MAMDC4: variants seen among roughly 807,000 people sequenced by gnomAD.
MAMDC4 encodes MAM domain containing 4, also known as apical endosomal glycoprotein.
In MAMDC4, 168 loss-of-function variants were observed where a neutral mutation model predicts 153.3. That is an observed-to-expected ratio of 1.10 (90% CI 0.97 to 1.25). MAMDC4 has a LOEUF of 1.25. Among genes scored for constraint, MAMDC4 ranks in the 50% most tolerant of loss-of-function variants. MAMDC4 has a pLI of 0.00. For missense variants in MAMDC4, 1,701 were observed against 1,542.8 expected, an observed-to-expected ratio of 1.10 and a Z score of -1.72; for synonymous variants, 744 against 651.5, an observed-to-expected ratio of 1.14 and a Z score of -2.16.
At chr9:136,858,363 C>CCA (rs771037125) in intron 21 of MAMDC4, 37 bp from the exon 22 acceptor site, 15 of 1,600,130 alleles carry the variant, frequency 9.4e-6, no homozygotes, top group African/African-American at 1.3e-5. Flanking sequence ...GGGCTTGGGC[C>CCA]GTGGGGCAGC....
rs1393130434 is a variant in MAMDC4 at position 136,858,020 on chromosome 9, G to A, written c.2506G>A (p.Val836Met). ...CCTGGAGGAGCGCGGGAGGCACCAG[G>A]TGCTCAGCCTCAGTGCCCACGGCGG... ...VYLEERGRHQVLSLSAHGGLA... is the reference protein window; with the variant it reads ...VYLEERGRHQMLSLSAHGGLA... The change falls in exon 20 of 27, where the codon GTG becomes ATG. Residue 836 changes from valine (V) to methionine (M), a missense_variant. Val to Met is a conservative substitution (Grantham distance 21). Coordinates refer to ENST00000317446, the MANE Select transcript of MAMDC4 (RefSeq NM_206920.3). 6.6e-7 allele frequency: 1 copy of A among 1,526,462 alleles called. No homozygotes were observed. Among genetic ancestry groups the A allele is most frequent in the South Asian group, 1.2e-5 (1 of 83,514 alleles). 94.6% of individuals were successfully genotyped at this position (1,526,462 alleles called of 1,614,324 possible). A position where few individuals can be genotyped will look rare whatever the true frequency, so the allele number is the denominator to read the frequency against.
chr9:136,857,481 T>TGC lies in MAMDC4; in HGVS notation c.2223_2224dup (p.Gly742AlafsTer56), dbSNP rs777125641. On this transcript the variant is annotated frameshift_variant, in exon 18 of 27. Coordinates refer to ENST00000317446, the MANE Select transcript of MAMDC4 (RefSeq NM_206920.3). LOFTEE classifies it high-confidence loss of function. ...TTACTGCTCCTTTGAGGACTCAGAC[T>TGC]GCGGCTTCTCCCCTGGAGGCCAAGG... 91 of 1,609,476 alleles carry TGC rather than the reference T, an allele frequency of 5.7e-5. No homozygotes were observed. Among genetic ancestry groups the TGC allele is most frequent in the Non-Finnish European group, 5.6e-5 (66 of 1,179,924 alleles).
At chr9:136,860,143 A>C in intron 26 of MAMDC4, 79 bp downstream of exon 26, 1 of 1,441,120 alleles carries the variant, frequency 6.9e-7, no homozygotes. Context: ...GGCGGGACAC[A>C]ACCCCCCGGG....
intron 7 of MAMDC4, 34 bp downstream of exon 7, chr9:136,854,370 G>A (rs1422915481): frequency 6.6e-7 from 1 of 1,512,876 alleles, no homozygotes. Context: ...AGTGAGGCTG[G>A]GAGACTGGAC....
rs930632214 is a variant in MAMDC4 at position 136,856,838 on chromosome 9, G to A, written c.1837+12G>A. 3.8e-5 allele frequency: 62 copies of A among 1,612,292 alleles called. No individual in the cohort carries two copies. The highest frequency in any genetic ancestry group is 5.3e-5 in the African/African-American group (4 of 74,930). On this transcript the variant is annotated intron_variant, in intron 15 of 26. Transcript: ENST00000317446. ...CACCACAGGCCAAGGTAGGATGGGCGCTCAGACCGGGGGTGGCTTTCAGAC... is the reference window on the plus strand; with the variant it reads ...CACCACAGGCCAAGGTAGGATGGGCACTCAGACCGGGGGTGGCTTTCAGAC...
At position 136,857,560 on chromosome 9, in the gene MAMDC4, C is replaced by T. The variant is rs1433080719; in HGVS notation, c.2300C>T (p.Thr767Ile). The change falls in exon 18 of 27, where the codon ACA becomes ATA. Residue 767 changes from threonine to isoleucine, a missense_variant. By Grantham distance (89) the Thr-to-Ile change is moderately conservative. Transcript: ENST00000317446. ...GGCCATGCTGCCTGGGGCCCCCCAACAGACCATACCACTGAGACAGCCCAA... is the reference window on the plus strand; with the variant it reads ...GGCCATGCTGCCTGGGGCCCCCCAATAGACCATACCACTGAGACAGCCCAA... ...ASGHAAWGPP[T>I]DHTTETAQGH... 15 of 1,612,316 alleles carry T rather than the reference C, an allele frequency of 9.3e-6. No individual in the cohort carries two copies. The highest frequency in any genetic ancestry group is 1.7e-5 in the Admixed American group (1 of 60,030).
chr9:136,854,849 C>T lies in MAMDC4; in HGVS notation c.1022C>T (p.Ser341Leu), dbSNP rs763951533. The change falls in exon 9 of 27, where the codon TCG becomes TTG. Residue 341 changes from serine to leucine, a missense_variant and splice_region_variant. Physicochemically the swap from Ser to Leu is moderately radical, Grantham distance 145. Transcript: ENST00000317446. The part of the protein sequence containing the change: ...EFQASGTSNC[S>L]LVFYQYLSGS... Reference sequence around the variant, plus strand: ...CAAGCCTCAGGCACCTCCAACTGCTCGGTGAGATGGGTGGGGCTCACAGGG... The same window carrying T: ...CAAGCCTCAGGCACCTCCAACTGCTTGGTGAGATGGGTGGGGCTCACAGGG... The T allele has an allele frequency of 3.1e-6, 5 of 1,612,760 alleles. No individual in the cohort carries two copies. Among genetic ancestry groups the T allele is most frequent in the Middle Eastern group, 1.6e-4 (1 of 6,062 alleles).
In MAMDC4 at chr9:136,855,038, G is replaced by A. The variant is rs771811709; in HGVS notation, c.1125G>A (p.Arg375=). ...PGAPRAPVLL[R]RRRGELGTAW... ...CCCCCCGGGCCCCCGTCCTGCTGCG[G>A]AGGCGCCGAGGGGAGCTGGGGACCG... The change falls in exon 10 of 27, where the codon CGG becomes CGA. Residue 375 remains arginine, a synonymous_variant. Coordinates refer to ENST00000317446, the MANE Select transcript of MAMDC4 (RefSeq NM_206920.3). 6.2e-7 allele frequency: 1 copy of A among 1,607,438 alleles called. No individual in the cohort carries two copies.
rs1192226875 is a variant in MAMDC4 at position 136,856,900 on chromosome 9, C to A, written c.1838-7C>A. 1 of 1,609,444 alleles carries A rather than the reference C, an allele frequency of 6.2e-7. No homozygotes were observed. The highest frequency in any genetic ancestry group is 1.7e-5 in the Admixed American group (1 of 59,916). ...ATCTCTGCAGCACAGCCCCATGCCC[C>A]CTGCAGGCCACTTTGTGCTCCTGGA... On this transcript the variant is annotated splice_region_variant and splice_polypyrimidine_tract_variant and intron_variant, in intron 15 of 26. Coordinates refer to ENST00000317446, the MANE Select transcript of MAMDC4 (RefSeq NM_206920.3).
At position 136,858,191 on chromosome 9, in the gene MAMDC4, G is replaced by GTT. The variant is rs749056384; in HGVS notation, c.2591_2592dup (p.Glu865LeufsTer127). On this transcript the variant is annotated frameshift_variant, in exon 21 of 27. Transcript: ENST00000317446. LOFTEE classifies it high-confidence loss of function. Reference sequence around the variant, plus strand: ...CCCTGCCCTGCACCCGCCAGGTGGTGTTTGAGGCAGTGGCCGCAGGCGTGG... The same window carrying GTT: ...CCCTGCCCTGCACCCGCCAGGTGGTGTTTTTGAGGCAGTGGCCGCAGGCGTGG... 2.8e-5 allele frequency: 44 copies of GTT among 1,590,716 alleles called. No individual in the cohort carries two copies. The East Asian group carries it at 1.0e-3, about 36-fold the overall frequency.
At position 136,853,199 on chromosome 9, in the gene MAMDC4, G is replaced by A. The variant is rs902989706; in HGVS notation, c.144G>A (p.Glu48=). Residue 48 remains glutamate, a synonymous_variant, in exon 2 of 27, where the codon GAG becomes GAA. Coordinates refer to ENST00000317446, the MANE Select transcript of MAMDC4 (RefSeq NM_206920.3). ...GTGACTGCAGGGACTGCTCAGATGA[G>A]GCCCAGTGTGGTGAGCCAAGACCAG... ...FVCDCRDCSD[E]AQCGYHGASP... The A allele has an allele frequency of 1.2e-6, 2 of 1,612,794 alleles. No individual in the cohort carries two copies. The highest frequency in any genetic ancestry group is 2.7e-5 in the African/African-American group (2 of 75,064).
chr9:136,857,848 T>C, intron 19 of MAMDC4, 52 bp downstream of exon 19: 1 of 1,585,668 alleles, frequency 6.3e-7, no homozygotes, highest in Non-Finnish European at 8.6e-7. Context: ...CTTGGCCTGG[T>C]GTCCCCACCA....
In MAMDC4 at chr9:136,855,475, GCC is replaced by G; in HGVS notation, c.1332_1333del (p.Gln445AlafsTer31). On this transcript the variant is annotated frameshift_variant, in exon 12 of 27. Transcript: ENST00000317446. LOFTEE classifies it high-confidence loss of function. Reference sequence around the variant, plus strand: ...GCTGCCTCCTGGGCCCCGGGCCCCAGCCCCCCAGCCCCTGCCGCCCAGCTCGC... The same window carrying G: ...GCTGCCTCCTGGGCCCCGGGCCCCAGCCCCAGCCCCTGCCGCCCAGCTCGC... ...QPLPPGPRAP[A>X]PQPLPPSSRL... is the part of the protein sequence containing the mutation. The G allele has an allele frequency of 6.2e-7, 1 of 1,604,520 alleles. No homozygotes were observed. The highest frequency in any genetic ancestry group is 8.5e-7 in the Non-Finnish European group (1 of 1,176,224).
At position 136,858,452 on chromosome 9, in the gene MAMDC4, CGGCCTGGGCG is replaced by C; in HGVS notation, c.2729_2738del (p.Gly910AspfsTer78). ...GTGGCTGGAGCCACCTGGCCTGGCC[CGGCCTGGGCG>C]GATACAGCTGGGACTGGGGCGGGGG... On this transcript the variant is annotated frameshift_variant, in exon 22 of 27. Coordinates refer to ENST00000317446, the MANE Select transcript of MAMDC4 (RefSeq NM_206920.3). LOFTEE classifies it high-confidence loss of function. The C allele has an allele frequency of 6.2e-7, 1 of 1,607,564 alleles. No individual in the cohort carries two copies. Among genetic ancestry groups the C allele is most frequent in the South Asian group, 1.1e-5 (1 of 91,076 alleles).
chr9:136,859,012 G>T lies in MAMDC4; in HGVS notation c.2964G>T (p.Gly988=). 6.6e-7 allele frequency: 1 copy of T among 1,525,984 alleles called. No homozygotes were observed. The allele number at this position is 1,525,984 out of a possible 1,614,324, so 94.5% of individuals were successfully genotyped here. ...HMGFPEHFYK[G]ELKVLLHSAQ... ...CCCTGGCCCTGCTCTCAGACAAGGG[G>T]GAGCTGAAGGTACTGCTGCACAGTG... Residue 988 remains glycine, a synonymous_variant, in exon 24 of 27, where the codon GGG becomes GGT. Transcript: ENST00000317446.
At position 136,855,383 on chromosome 9, in the gene MAMDC4, C is replaced by T. The variant is rs372027053; in HGVS notation, c.1282+45C>T. On this transcript the variant is annotated intron_variant, in intron 11 of 26. Coordinates refer to ENST00000317446, the MANE Select transcript of MAMDC4 (RefSeq NM_206920.3). ...CCTACCCTGCCTTGCCCTGGAGAGG[C>T]ACAGCACTCCCCATCCCTGCCTCCT... 3.8e-6 allele frequency: 6 copies of T among 1,599,688 alleles called. No homozygotes were observed. In the East Asian group the frequency reaches 1.3e-4, roughly 36 times the overall value.
Position 136,856,949 on chromosome 9 carries a change from G to A in MAMDC4, c.1880G>A (p.Gly627Asp), listed in dbSNP as rs1849014243. Residue 627 changes from glycine to aspartate, a missense_variant, in exon 16 of 27, where the codon GGC becomes GAC. By Grantham distance (94) the Gly-to-Asp change is moderately conservative. Coordinates refer to ENST00000317446, the MANE Select transcript of MAMDC4 (RefSeq NM_206920.3). ...LLDPTDPLAW[G>D]HSAHLLSRPQ... is the part of the protein sequence containing the mutation. ...GACCCCACAGACCCCCTGGCCTGGG[G>A]CCACAGTGCCCACCTGCTCTCCAGG... 1.2e-6 allele frequency: 2 copies of A among 1,611,480 alleles called. No homozygotes were observed. Among genetic ancestry groups the A allele is most frequent in the East Asian group, 4.5e-5 (2 of 44,834 alleles).
chr9:136,858,965 C>T (rs1849047884), intron 23 of MAMDC4, 40 bp from the exon 24 acceptor site: 2 of 1,509,272 alleles, frequency 1.3e-6, no homozygotes, highest in African/African-American at 1.4e-5. Context: ...TGCAGGAGCC[C>T]CAGGACCCCA....
At chr9:136,856,502 C>G (rs764516104) in intron 14 of MAMDC4, 16 of 786,924 alleles carry the variant, frequency 2.0e-5, no homozygotes, top group Non-Finnish European at 3.8e-5. Context: ...ATGGCCCTGA[C>G]CAGCAGGGAG....
Sources: gnomAD v4.1 joint callset for allele counts on GRCh38, gnomAD v4.1.1 for gene constraint, MANE v1.5 for transcripts, NCBI Gene and HGNC (gene_info 2026-07-23, HGNC 2026-07-21) for gene names.